The following CEP135 variants were observed in gnomAD, a reference collection of about 807,000 sequenced individuals.
CEP135 encodes centrosomal protein 135, also known as centrosomal protein of 135 kDa.
Under a neutral mutation model 157.3 loss-of-function variants are expected in CEP135, and 142 were observed. The ratio of observed to expected loss-of-function variants is 0.90; its 90% CI spans 0.79 to 1.04. The LOEUF (loss-of-function observed/expected upper bound fraction) is 1.04. Among genes scored for constraint, CEP135 ranks in the 50% least tolerant of loss-of-function variants. The pLI is 0.00. For missense variants in CEP135, 1,317 were observed against 1,309.2 expected (o/e 1.01, Z -0.09); for synonymous variants, 396 against 439.8 (o/e 0.90, Z 1.25).
chr4:56,012,008 AAAG>A (rs1730603278), intron 21 of CEP135, 23 bp downstream of exon 21: 1 of 1,350,708 alleles, frequency 7.4e-7, no homozygotes, highest in African/African-American at 1.5e-5. Context: ...TTTGTTTTGT[AAAG>A]ATGTTATTTA....
intron 18 of CEP135, among the ~76,000 whole-genome samples, chr4:56,009,164 G>GT (rs757808172): frequency 2.3e-4 from 35 of 151,294 alleles, no homozygotes; most frequent in East Asian, 1.8e-3. Flanking sequence ...TGTTGTTGTT[G>GT]TTGTTTTTTG....
At chr4:56,002,869 T>C (rs1360572757) in intron 17 of CEP135, among the ~76,000 whole-genome samples, 3 of 152,158 alleles carry the variant, frequency 2.0e-5, no homozygotes, top group Admixed American at 1.3e-4. Context: ...ACTTTTCTTT[T>C]GTGGAAGACT....
At chr4:55,972,304 G>C (rs903898292) in intron 10 of CEP135, among the ~76,000 whole-genome samples, 1 of 152,122 alleles carries the variant, frequency 6.6e-6, no homozygotes, top group Non-Finnish European at 1.5e-5. Context: ...CTTTTTTCTT[G>C]CTAGGGAAAC....
At position 56,021,581 on chromosome 4, in the gene CEP135, G is replaced by A. The variant is rs1316370224; in HGVS notation, c.3320+801G>A. ...TCTTTCCTACTATATTAATACCATA[G>A]ACATCTGCATTCCTGAGATTTCATT... On this transcript the variant is annotated intron_variant, in intron 24 of 25. Transcript: ENST00000257287. Among the ~76,000 whole-genome samples, 6 of 152,224 alleles carry A rather than the reference G, an allele frequency of 3.9e-5. No homozygotes were observed. In the East Asian group the frequency reaches 1.2e-3, roughly 29 times the overall value.
At position 56,030,273 on chromosome 4, in the gene CEP135, A is replaced by C. The variant is rs531498838; in HGVS notation, c.*12-1087A>C. ...GCTTTATAGTCAACATTTATTTTTT[A>C]ATGAGTAAGAGTACACTTTAAAATA... On this transcript the variant is annotated intron_variant, in intron 25 of 25. Transcript: ENST00000257287. 7.9e-5 allele frequency among the ~76,000 whole-genome samples: 12 copies of C among 152,278 alleles called. No homozygotes were observed. In the South Asian group the frequency reaches 1.2e-3, roughly 16 times the overall value.
In CEP135 at chr4:55,964,330, G is replaced by C; in HGVS notation, c.756G>C (p.Arg252=). The change falls in exon 7 of 26, where the codon CGG becomes CGC. Residue 252 remains arginine (R), a synonymous_variant. Transcript: ENST00000257287. ...ERLSVALDGG[R]SPDVLSLESR... The stretch of plus-strand genomic sequence containing the variant: ...TGTCAGTTGCTTTGGATGGTGGTCG[G>C]TCCCCTGATGTCCTTTCTCTGGAGT... The C allele has an allele frequency of 6.2e-7, 1 of 1,613,120 alleles. No individual in the cohort carries two copies. Among genetic ancestry groups the C allele is most frequent in the Non-Finnish European group, 8.5e-7 (1 of 1,179,402 alleles).
In CEP135 at chr4:55,952,100, G is replaced by A; in HGVS notation, c.-31G>A. ...TTTTCTCTCAGGACTTTAATTTTTGGAAGTGAATAAAACTTGTTTTAGAAG... is the reference window on the plus strand; with the variant it reads ...TTTTCTCTCAGGACTTTAATTTTTGAAAGTGAATAAAACTTGTTTTAGAAG... On this transcript the variant is annotated 5_prime_UTR_variant, in exon 2 of 26. Transcript: ENST00000257287. 8.8e-7 allele frequency: 1 copy of A among 1,130,518 alleles called. No homozygotes were observed. The highest frequency in any genetic ancestry group is 1.3e-6 in the Non-Finnish European group (1 of 763,612). The allele number at this position is 1,130,518 out of a possible 1,614,324, so 70.0% of individuals were successfully genotyped here.
rs1416562663 is a variant in CEP135, at chr4:55,981,388, A to G, written c.1779+9A>G. 1 of 1,560,906 alleles carries G rather than the reference A, an allele frequency of 6.4e-7. No homozygotes were observed. Among genetic ancestry groups the G allele is most frequent in the Non-Finnish European group, 8.6e-7 (1 of 1,162,612 alleles). On this transcript the variant is annotated intron_variant, in intron 13 of 25. Coordinates refer to ENST00000257287, the MANE Select transcript of CEP135 (RefSeq NM_025009.5). ...TAAGAGAAAAATTAGAGGTAAGAAG[A>G]TTGACATGTTTTTGAAAGGTAATTT...
At chr4:56,011,718 G>A in intron 20 of CEP135, 82 bp from the exon 21 acceptor site, 2 of 1,129,096 alleles carry the variant, frequency 1.8e-6, no homozygotes, top group Non-Finnish European at 2.5e-6. Flanking sequence ...AGAATGCTGT[G>A]TATGTGTATG....
chr4:55,989,412 G>T (rs1348439741), intron 14 of CEP135, among the ~76,000 whole-genome samples: 1 of 152,150 alleles, frequency 6.6e-6, no homozygotes, highest in South Asian at 2.1e-4. Context: ...AGGAAACTGA[G>T]GCAGAGGGGA....
intron 6 of CEP135, 73 bp downstream of exon 6, chr4:55,959,839 A>G (rs756386097): frequency 8.4e-7 from 1 of 1,196,502 alleles, no homozygotes; most frequent in Non-Finnish European, 1.2e-6. Context: ...ATTGGGTTAT[A>G]TTTGAAATTG....
intron 17 of CEP135, 99 bp downstream of exon 17, chr4:55,999,744 G>A: frequency 1.6e-6 from 2 of 1,243,572 alleles, no homozygotes; most frequent in Non-Finnish European, 2.2e-6. Context: ...TCAGGCTGGA[G>A]TGCAGTGGCA....
intron 21 of CEP135, among the ~76,000 whole-genome samples, chr4:56,012,765 C>A (rs1247155442): frequency 6.6e-6 from 1 of 152,158 alleles, no homozygotes; most frequent in East Asian, 1.9e-4. Context: ...TATGTATGTA[C>A]CACATTTTTG....
At chr4:55,997,591 T>A (rs529099922) in intron 15 of CEP135, among the ~76,000 whole-genome samples, 19 of 152,326 alleles carry the variant, frequency 1.2e-4, no homozygotes, top group African/African-American at 4.6e-4. Context: ...TCCTATATTC[T>A]GCAAAGAAGG....
intron 1 of CEP135, among the ~76,000 whole-genome samples, chr4:55,949,942 T>C (rs1044443643): frequency 6.6e-6 from 1 of 152,200 alleles, no homozygotes; most frequent in African/African-American, 2.4e-5. Context: ...GTATTATCTC[T>C]GGGTAACTGG....
At chr4:56,020,891 A>G in intron 24 of CEP135, 111 bp downstream of exon 24, 1 of 725,614 alleles carries the variant, frequency 1.4e-6, no homozygotes, top group South Asian at 2.2e-5. Context: ...AAGCTAATAC[A>G]TAAAGTACAT....
At chr4:55,980,348 T>G in intron 12 of CEP135, 53 bp downstream of exon 12, 1 of 1,151,774 alleles carries the variant, frequency 8.7e-7, no homozygotes, top group Non-Finnish European at 1.2e-6. Flanking sequence ...CAGTTAACTA[T>G]AATGGAGCCT....
rs77350476 is a variant in CEP135 at position 55,978,156 on chromosome 4, A to C, written c.1474-1987A>C. Reference sequence around the variant, plus strand: ...GAGTTTCTGCTTAGGGAAGTCAGTCAGTAAATGTTCAGGGAACTCATGTTT... The same window carrying C: ...GAGTTTCTGCTTAGGGAAGTCAGTCCGTAAATGTTCAGGGAACTCATGTTT... On this transcript the variant is annotated intron_variant, in intron 11 of 25. Coordinates refer to ENST00000257287, the MANE Select transcript of CEP135 (RefSeq NM_025009.5). Among the ~76,000 whole-genome samples, 112 of 152,350 alleles carry C rather than the reference A, an allele frequency of 7.4e-4. 5 individuals carry two copies. The highest frequency in any genetic ancestry group is 2.6e-3 in the African/African-American group (107 of 41,592).
At chr4:55,982,474 G>A (rs534523017) in intron 13 of CEP135, among the ~76,000 whole-genome samples, 1 of 152,256 alleles carries the variant, frequency 6.6e-6, no homozygotes, top group Non-Finnish European at 1.5e-5. Context: ...ATTCTGGTGG[G>A]TGTGAAATGT....
Sources: allele counts gnomAD v4.1 joint callset (sites outside exome capture counted in the v4.1 genomes callset), GRCh38; gene constraint gnomAD v4.1.1; transcripts MANE v1.5; gene names NCBI Gene and HGNC (gene_info 2026-07-23, HGNC 2026-07-21).